PRELP: variants seen among roughly 807,000 people sequenced by gnomAD.
PRELP encodes proline and arginine rich end leucine rich repeat protein, also known as prolargin.
Under a neutral mutation model 22.8 loss-of-function variants are expected in PRELP, and 16 were observed. The ratio of observed to expected loss-of-function variants is 0.70; its 90% CI spans 0.47 to 1.06. The LOEUF is 1.06. Among genes scored for constraint, PRELP ranks in the 50% least tolerant of loss-of-function variants. PRELP has a pLI of 0.00. For missense variants in PRELP, 434 were observed against 485.2 expected (o/e 0.89, Z 0.99); for synonymous variants, 233 against 211.4 (o/e 1.10, Z -0.89).
chr1:203,489,454 C>T lies in PRELP; in HGVS notation c.*2573C>T, dbSNP rs907739414. 5 of 152,374 alleles carry T rather than the reference C, an allele frequency of 3.3e-5. No homozygotes were observed. The highest frequency in any genetic ancestry group is 4.1e-4 in the South Asian group (2 of 4,824). 9.4% of individuals were successfully genotyped at this position (152,374 alleles called of 1,614,324 possible). On this transcript the variant is annotated 3_prime_UTR_variant, in exon 3 of 3. Coordinates refer to ENST00000343110, the MANE Select transcript of PRELP (RefSeq NM_002725.4). The stretch of plus-strand genomic sequence containing the variant: ...CCCTTCTCCATGCACAAGTTCATTC[C>T]CTCCATGCTGTCGTCATCGACATAT...
intron 2 of PRELP, among the ~76,000 whole-genome samples, chr1:203,485,918 G>A (rs1015438054): frequency 2.6e-5 from 4 of 152,106 alleles, no homozygotes; most frequent in African/African-American, 9.7e-5. Context: ...ATCATGTCCC[G>A]GGGGTTCCGG....
Position 203,483,491 on chromosome 1 carries a change from C to T in PRELP, c.307C>T (p.Arg103Cys), listed in dbSNP as rs571164341. The T allele has an allele frequency of 1.8e-5, 29 of 1,614,232 alleles. No homozygotes were observed. Among genetic ancestry groups the T allele is most frequent in the East Asian group, 8.9e-5 (4 of 44,882 alleles). ...NLRKVPVIPP[R>C]IHYLYLQNNF... ...GCGAAAGGTCCCTGTCATCCCGCCC[C>T]GCATCCATTACCTCTATCTCCAGAA... Residue 103 changes from arginine to cysteine, a missense_variant, in exon 2 of 3, where the codon CGC becomes TGC. Physicochemically the swap from Arg to Cys is radical, Grantham distance 180. Transcript: ENST00000343110. This position sits in a 1 kb window ranked among gnomAD's most constrained non-coding sequence, Gnocchi z 4.4.
At chr1:203,479,270 T>C (rs1038335659) in intron 1 of PRELP, among the ~76,000 whole-genome samples, 5 of 152,116 alleles carry the variant, frequency 3.3e-5, no homozygotes, top group South Asian at 4.1e-4. Flanking sequence ...CAATTAGCCT[T>C]AAATAGCTGC....
At chr1:203,480,698 AG>A (rs1417258607) in intron 1 of PRELP, among the ~76,000 whole-genome samples, 1 of 152,202 alleles carries the variant, frequency 6.6e-6, no homozygotes, top group Non-Finnish European at 1.5e-5. Flanking sequence ...CCTGGGGCTG[AG>A]GGAAGGGGAG....
chr1:203,487,035 T>G lies in PRELP; in HGVS notation c.*154T>G. 1 of 909,964 alleles carries G rather than the reference T, an allele frequency of 1.1e-6. No homozygotes were observed. The highest frequency in any genetic ancestry group is 1.6e-6 in the Non-Finnish European group (1 of 628,046). 56.4% of individuals were successfully genotyped at this position (909,964 alleles called of 1,614,324 possible). A position where few individuals can be genotyped will look rare whatever the true frequency, so the allele number is the denominator to read the frequency against. Reference sequence around the variant, plus strand: ...GGCAGGGAAAAGCCATCTATTCTTCTGCAGCCTCAGGAGCGAGACTTCAAG... The same window carrying G: ...GGCAGGGAAAAGCCATCTATTCTTCGGCAGCCTCAGGAGCGAGACTTCAAG... On this transcript the variant is annotated 3_prime_UTR_variant, in exon 3 of 3. Coordinates refer to ENST00000343110, the MANE Select transcript of PRELP (RefSeq NM_002725.4).
chr1:203,484,012 C>T lies in PRELP; in HGVS notation c.828C>T (p.Asn276=). Residue 276 remains asparagine (N), a synonymous_variant, in exon 2 of 3, where the codon AAC becomes AAT. Transcript: ENST00000343110. The part of the protein sequence containing the change: ...PNLAFIRLNY[N]KLTDRGLPKN... The stretch of plus-strand genomic sequence containing the variant: ...TTGCCTTCATTCGGCTTAACTACAA[C>T]AAGCTGACAGACAGGGGACTCCCCA... 1 of 1,614,244 alleles carries T rather than the reference C, an allele frequency of 6.2e-7. No homozygotes were observed.
At chr1:203,482,609 T>TTTTTTTG in intron 1 of PRELP, among the ~76,000 whole-genome samples, 1 of 131,010 alleles carries the variant, frequency 7.6e-6, no homozygotes, top group African/African-American at 2.9e-5. Context: ...TTTTTTTTTT[T>TTTTTTTG]TTTTTTGAGA....
At chr1:203,482,344 T>A (rs1192832785) in intron 1 of PRELP, among the ~76,000 whole-genome samples, 1 of 151,628 alleles carries the variant, frequency 6.6e-6, no homozygotes, top group African/African-American at 2.4e-5. Flanking sequence ...ATTGGTGCAA[T>A]CTCGGCTCAC....
Position 203,483,780 on chromosome 1 carries a change from T to C in PRELP, c.596T>C (p.Leu199Pro). The change falls in exon 2 of 3, where the codon CTC becomes CCC. Residue 199 changes from leucine (L) to proline (P), a missense_variant. Leu to Pro is a moderately conservative substitution (Grantham distance 98). Coordinates refer to ENST00000343110, the MANE Select transcript of PRELP (RefSeq NM_002725.4). The surrounding 1 kb of genome is among the most constrained non-coding windows in gnomAD (Gnocchi z 4.4). ...GVFSKLENLLLLDLQHNRLSD... is the reference protein window; with the variant it reads ...GVFSKLENLLPLDLQHNRLSD... ...TTCAGCAAGCTGGAGAACCTGCTGC[T>C]CCTGGATCTCCAGCACAACAGGCTG... The C allele has an allele frequency of 6.2e-7, 1 of 1,614,172 alleles. No individual in the cohort carries two copies. Among genetic ancestry groups the C allele is most frequent in the East Asian group, 2.2e-5 (1 of 44,882 alleles).
At chr1:203,478,367 G>T (rs547194680) in intron 1 of PRELP, among the ~76,000 whole-genome samples, 1 of 152,128 alleles carries the variant, frequency 6.6e-6, no homozygotes, top group South Asian at 2.1e-4. Flanking sequence ...GAGAAGAGTC[G>T]TCTCACCCTG....
At chr1:203,476,997 C>T (rs1006306212) in intron 1 of PRELP, among the ~76,000 whole-genome samples, 10 of 150,200 alleles carry the variant, frequency 6.7e-5, no homozygotes, top group East Asian at 2.0e-4. Context: ...AACTGAAGGG[C>T]GGCCCCTCTC....
chr1:203,479,033 C>T (rs780396613), intron 1 of PRELP, among the ~76,000 whole-genome samples: 4 of 152,140 alleles, frequency 2.6e-5, no homozygotes, highest in Non-Finnish European at 5.9e-5. Flanking sequence ...AGGGGTGTTC[C>T]GACATTCACC....
rs1661030376 is a variant in PRELP at position 203,483,013 on chromosome 1, T to C, written c.-16-156T>C. 6.6e-6 allele frequency among the ~76,000 whole-genome samples: 1 copy of C among 152,206 alleles called. No individual in the cohort carries two copies. The highest frequency in any genetic ancestry group is 2.1e-4 in the South Asian group (1 of 4,834). The stretch of plus-strand genomic sequence containing the variant: ...CTCAAGCCCTTGTTATTCCCTTACC[T>C]GCTGGGTACAGGCAAACAAGGAGAT... On this transcript the variant is annotated intron_variant, in intron 1 of 2. Coordinates refer to ENST00000343110, the MANE Select transcript of PRELP (RefSeq NM_002725.4). This position sits in a 1 kb window ranked among gnomAD's most constrained non-coding sequence, Gnocchi z 4.4.
chr1:203,478,879 C>T (rs1377584443), intron 1 of PRELP, among the ~76,000 whole-genome samples: 2 of 152,170 alleles, frequency 1.3e-5, no homozygotes, highest in African/African-American at 4.8e-5. Context: ...AGGCTCACTC[C>T]TCTACTAACT....
Position 203,487,822 on chromosome 1 carries a change from T to C in PRELP, c.*941T>C, listed in dbSNP as rs1221991590. On this transcript the variant is annotated 3_prime_UTR_variant, in exon 3 of 3. Transcript: ENST00000343110. Reference sequence around the variant, plus strand: ...GTGCGCGGCCCAGCCATTTCCACCCTCGGGAGGCGGCTCCTGAGAAACAGG... The same window carrying C: ...GTGCGCGGCCCAGCCATTTCCACCCCCGGGAGGCGGCTCCTGAGAAACAGG... 6.6e-6 allele frequency: 1 copy of C among 152,102 alleles called. No homozygotes were observed. The highest frequency in any genetic ancestry group is 2.4e-5 in the African/African-American group (1 of 41,434). The allele number at this position is 152,102 out of a possible 1,614,324, so 9.4% of individuals were successfully genotyped here. A position where few individuals can be genotyped will look rare whatever the true frequency, so the allele number is the denominator to read the frequency against.
rs1279116465 is a variant in PRELP, at chr1:203,484,039, G to T, written c.855G>T (p.Lys285Asn). The change falls in exon 2 of 3, where the codon AAG (lysine) becomes AAT (asparagine). Residue 285 changes from lysine to asparagine, a missense_variant. Lys to Asn is a moderately conservative substitution (Grantham distance 94, BLOSUM62 0). Coordinates refer to ENST00000343110, the MANE Select transcript of PRELP (RefSeq NM_002725.4). ...AGCTGACAGACAGGGGACTCCCCAA[G>T]AACTCCTTTAATATCTCCAACCTGC... ...YNKLTDRGLP[K>N]NSFNISNLLV... 6.2e-7 allele frequency: 1 copy of T among 1,614,074 alleles called. No individual in the cohort carries two copies. The highest frequency in any genetic ancestry group is 8.5e-7 in the Non-Finnish European group (1 of 1,180,048).
At chr1:203,482,197 G>T (rs1661012316) in intron 1 of PRELP, among the ~76,000 whole-genome samples, 1 of 152,112 alleles carries the variant, frequency 6.6e-6, no homozygotes, top group African/African-American at 2.4e-5. Context: ...CTGTGAATGG[G>T]AGGACTGAGG....
Position 203,483,461 on chromosome 1 carries a change from A to C in PRELP, c.277A>C (p.Asn93His), listed in dbSNP as rs745638820. Residue 93 changes from asparagine to histidine, a missense_variant, in exon 2 of 3, where the codon AAC becomes CAC. Asn to His is a moderately conservative substitution (Grantham distance 68). Coordinates refer to ENST00000343110, the MANE Select transcript of PRELP (RefSeq NM_002725.4). The surrounding 1 kb of genome is among the most constrained non-coding windows in gnomAD (Gnocchi z 4.4). ...FPSALYCDSR[N>H]LRKVPVIPPR... Reference sequence around the variant, plus strand: ...ATCTGCCCTCTACTGTGATAGCCGCAACCTGCGAAAGGTCCCTGTCATCCC... The same window carrying C: ...ATCTGCCCTCTACTGTGATAGCCGCCACCTGCGAAAGGTCCCTGTCATCCC... The C allele has an allele frequency of 6.2e-7, 1 of 1,614,058 alleles. No homozygotes were observed. Among genetic ancestry groups the C allele is most frequent in the Non-Finnish European group, 8.5e-7 (1 of 1,180,004 alleles).
intron 1 of PRELP, among the ~76,000 whole-genome samples, chr1:203,482,729 C>T (rs28519987): frequency 0.24 from 36,430 of 150,490 alleles, 4,923 homozygotes; most frequent in East Asian, 0.46. Flanking sequence ...TCCCAAGTAG[C>T]TGGGATTACA....
Sources: gnomAD v4.1 joint callset for allele counts (sites outside exome capture counted in the v4.1 genomes callset) on GRCh38, gnomAD v4.1.1 for gene constraint, Gnocchi (gnomAD v3.1) non-coding constraint, MANE v1.5 for transcripts, NCBI Gene and HGNC (gene_info 2026-07-23, HGNC 2026-07-21) for gene names.